PCM1: variants seen among roughly 807,000 people sequenced by gnomAD.
The protein encoded by PCM1 is pericentriolar material 1 protein.
In PCM1, 157 loss-of-function variants were observed where a neutral mutation model predicts 241.9. The observed-to-expected ratio is 0.65, with a 90% CI of 0.57 to 0.74. The LOEUF is 0.74. Among genes scored for constraint, PCM1 ranks in the 30% least tolerant of loss-of-function variants. The pLI, the probability that PCM1 is intolerant of heterozygous loss-of-function variation, is 0.00. For missense variants in PCM1, 3,478 were observed against 2,360.1 expected (o/e 1.47, Z -9.81); for synonymous variants, 1,085 against 784.9 (o/e 1.38, Z -6.39).
At chr8:17,969,802 T>G in intron 22 of PCM1, 54 bp downstream of exon 22, 1 of 1,304,630 alleles carries the variant, frequency 7.7e-7, no homozygotes, top group Non-Finnish European at 1.1e-6. Flanking sequence ...TGTGATTACA[T>G]CTAATTATGT....
At chr8:17,994,376 A>G (rs2085839434) in intron 29 of PCM1, among the ~76,000 whole-genome samples, 1 of 152,124 alleles carries the variant, frequency 6.6e-6, no homozygotes, top group Non-Finnish European at 1.5e-5. Flanking sequence ...ATTATTTTTT[A>G]TGGCTGAATA....
intron 38 of PCM1, among the ~76,000 whole-genome samples, chr8:18,026,497 G>C (rs1397086198): frequency 2.0e-5 from 3 of 151,354 alleles, no homozygotes; most frequent in Non-Finnish European, 4.4e-5. Context: ...CTGACCTCGT[G>C]ATCCGCCTGC....
At chr8:17,935,746 A>G (rs989149802) in intron 3 of PCM1, 40 bp downstream of exon 3, 4 of 935,036 alleles carry the variant, frequency 4.3e-6, no homozygotes, top group Non-Finnish European at 7.0e-6. Flanking sequence ...GTTGGCTATT[A>G]ATGTTAAAAT....
intron 29 of PCM1, among the ~76,000 whole-genome samples, 177 bp downstream of exon 29, chr8:17,993,796 CAT>C (rs1241723254): frequency 4.5e-4 from 68 of 152,300 alleles, no homozygotes; most frequent in African/African-American, 1.5e-3. Flanking sequence ...ATTTTATACA[CAT>C]GTGCATATTC....
intron 14 of PCM1, 29 bp from the exon 15 acceptor site, chr8:17,960,286 C>T: frequency 6.3e-7 from 1 of 1,587,346 alleles, no homozygotes; most frequent in Non-Finnish European, 8.5e-7. Flanking sequence ...TTATTGGAGT[C>T]CATAAATATA....
chr8:17,968,068 A>AAG (rs1491415146), intron 21 of PCM1, among the ~76,000 whole-genome samples: 1 of 152,068 alleles, frequency 6.6e-6, no homozygotes, highest in African/African-American at 2.4e-5. Context: ...AAAAAAAAAA[A>AAG]AGAGTTGATA....
Position 17,960,425 on chromosome 8 carries a change from C to A in PCM1, c.2303C>A (p.Thr768Lys). 6.3e-7 allele frequency: 1 copy of A among 1,598,224 alleles called. No individual in the cohort carries two copies. The highest frequency in any genetic ancestry group is 1.1e-5 in the South Asian group (1 of 87,316). Residue 768 changes from threonine to lysine, a missense_variant, in exon 15 of 39, where the codon ACG (threonine) becomes AAG (lysine). Transcript: ENST00000325083. ...CAGGAGAAAATTCAAGCATTGCAAA[C>A]GGCATGCCCTGACTTACAGGTAATT... is the stretch of plus-strand genomic sequence containing the variant. ...DIQEKIQALQ[T>K]ACPDLQLSAA...
intron 26 of PCM1, among the ~76,000 whole-genome samples, chr8:17,988,868 A>G (rs567855631): frequency 2.3e-3 from 356 of 152,132 alleles, no homozygotes; most frequent in Non-Finnish European, 4.3e-3. Context: ...ATGAGAATGT[A>G]AAATTGCACA....
Position 18,004,129 on chromosome 8 carries a change from T to A in PCM1, c.4828-2134T>A, listed in dbSNP as rs554804047. On this transcript the variant is annotated intron_variant, in intron 29 of 38. Coordinates refer to ENST00000325083, the MANE Select transcript of PCM1 (RefSeq NM_006197.4). Reference sequence around the variant, plus strand: ...AGGAAATTGATTGTTTTTACTTTTTTGTGTCTGATTTGATGGAAGAATTAT... The same window carrying A: ...AGGAAATTGATTGTTTTTACTTTTTAGTGTCTGATTTGATGGAAGAATTAT... Among the ~76,000 whole-genome samples the A allele has an allele frequency of 9.2e-5, 14 of 152,306 alleles. No homozygotes were observed. In the East Asian group the frequency reaches 2.7e-3, roughly 29 times the overall value.
Position 17,957,290 on chromosome 8 carries a change from A to G in PCM1, c.1673A>G (p.Asn558Ser), listed in dbSNP as rs1198096505. The G allele has an allele frequency of 8.8e-6, 14 of 1,597,376 alleles. No homozygotes were observed. The highest frequency in any genetic ancestry group is 3.4e-5 in the South Asian group (3 of 88,080). ...AATCCACAAGTAGCTTCCACTTGGA[A>G]TGAAGTAAATAGTCATAGTAATGCA... is the stretch of plus-strand genomic sequence containing the variant. ...IRNPQVASTW[N>S]EVNSHSNAQC... Residue 558 changes from asparagine (N) to serine (S), a missense_variant, in exon 12 of 39, where the codon AAT (asparagine) becomes AGT (serine). Transcript: ENST00000325083.
chr8:17,999,530 C>G (rs574547121), intron 29 of PCM1, among the ~76,000 whole-genome samples: 2 of 152,094 alleles, frequency 1.3e-5, no homozygotes, highest in South Asian at 2.1e-4. Context: ...GAGCTGGTAT[C>G]CAAGATACAA....
Position 17,980,681 on chromosome 8 carries a change from A to C in PCM1, c.4034A>C (p.Lys1345Thr), listed in dbSNP as rs2080404865. Residue 1345 changes from lysine (K) to threonine (T), a missense_variant, in exon 24 of 39, where the codon AAA (lysine) becomes ACA (threonine). Physicochemically the swap from Lys to Thr is moderately conservative, Grantham distance 78. Coordinates refer to ENST00000325083, the MANE Select transcript of PCM1 (RefSeq NM_006197.4). Reference protein sequence around the residue: ...SAQTEEPVQAKVFSRKNHEQL... With the variant: ...SAQTEEPVQATVFSRKNHEQL... ...CAGACTGAAGAGCCTGTTCAAGCAA[A>C]AGTATTCAGCAGAAAGAATCATGAG... is the stretch of plus-strand genomic sequence containing the variant. 1 of 1,613,440 alleles carries C rather than the reference A, an allele frequency of 6.2e-7. No homozygotes were observed. Among genetic ancestry groups the C allele is most frequent in the South Asian group, 1.1e-5 (1 of 91,056 alleles).
chr8:17,946,606 C>G (rs2063855694), intron 6 of PCM1, among the ~76,000 whole-genome samples: 1 of 152,058 alleles, frequency 6.6e-6, no homozygotes. Flanking sequence ...AAGCGATTCT[C>G]TTGCCTCAGC....
intron 8 of PCM1, among the ~76,000 whole-genome samples, chr8:17,951,272 T>TA (rs1261560103): frequency 6.6e-6 from 1 of 152,224 alleles, no homozygotes; most frequent in Admixed American, 6.5e-5. Flanking sequence ...GATGAATTAA[T>TA]GCCTCTCCAT....
At chr8:17,977,634 A>G (rs529523489) in intron 23 of PCM1, among the ~76,000 whole-genome samples, 1 of 152,108 alleles carries the variant, frequency 6.6e-6, no homozygotes, top group Non-Finnish European at 1.5e-5. Flanking sequence ...CCCCAAGAGT[A>G]GCAGTGTTTT....
chr8:17,938,802 T>C lies in PCM1; in HGVS notation c.405T>C (p.Ser135=). ...CTGCTAACAACAAACGTCAGCTTAG[T>C]GAAAACCGAAAGCCCTTCAACTTTT... is the stretch of plus-strand genomic sequence containing the variant. The part of the protein sequence containing the change: ...ATAANNKRQL[S]ENRKPFNFLP... Residue 135 remains serine, a synonymous_variant, in exon 5 of 39, where the codon AGT becomes AGC. Coordinates refer to ENST00000325083, the MANE Select transcript of PCM1 (RefSeq NM_006197.4). The C allele has an allele frequency of 6.2e-7, 1 of 1,613,034 alleles. No individual in the cohort carries two copies. The highest frequency in any genetic ancestry group is 8.5e-7 in the Non-Finnish European group (1 of 1,178,980).
chr8:17,952,997 C>T lies in PCM1; in HGVS notation c.1099C>T (p.Gln367Ter). Residue 367 changes from glutamine (Q) to a stop codon, truncating the protein, a stop_gained, in exon 9 of 39, where the codon CAG (glutamine) becomes TAG (stop). Coordinates refer to ENST00000325083, the MANE Select transcript of PCM1 (RefSeq NM_006197.4). LOFTEE classifies it high-confidence loss of function. Reference protein sequence around the residue: ...QPPAVPDNRRQAESLSLTREV... With the variant: ...QPPAVPDNRR ...TCCAGCTGTTCCAGACAATAGAAGA[C>T]AGGCAGAAAGTCTTTCATTAACTAG... 1 of 1,600,138 alleles carries T rather than the reference C, an allele frequency of 6.2e-7. No individual in the cohort carries two copies. The highest frequency in any genetic ancestry group is 8.5e-7 in the Non-Finnish European group (1 of 1,172,412).
chr8:17,958,514 A>G (rs2069856483), intron 13 of PCM1, among the ~76,000 whole-genome samples: 1 of 152,166 alleles, frequency 6.6e-6, no homozygotes, highest in South Asian at 2.1e-4. Context: ...AATTGTATAA[A>G]TATGTAATTA....
At chr8:17,968,483 G>A (rs1222191369) in intron 21 of PCM1, among the ~76,000 whole-genome samples, 2 of 152,026 alleles carry the variant, frequency 1.3e-5, no homozygotes, top group Admixed American at 6.6e-5. Context: ...TTGTCAGTAG[G>A]GATCAAGAAA....
Sources: allele counts gnomAD v4.1 joint callset (sites outside exome capture counted in the v4.1 genomes callset), GRCh38; gene constraint gnomAD v4.1.1; transcripts MANE v1.5; gene names NCBI Gene and HGNC (gene_info 2026-07-23, HGNC 2026-07-21).